Variants in PLD1 observed in about 807,000 individuals in gnomAD.
PLD1 encodes the protein phospholipase D1.
Under a neutral mutation model 137.1 loss-of-function variants are expected in PLD1, and 112 were observed. That is an observed-to-expected ratio of 0.82 (90% CI 0.70 to 0.96). The LOEUF (loss-of-function observed/expected upper bound fraction) is 0.96. PLD1 is among the 40% of genes least tolerant of loss of function. The pLI is 0.00. For synonymous variants in PLD1, 431 were observed against 454.7 expected, an observed-to-expected ratio of 0.95 and a Z score of 0.66; for missense variants, 1,321 against 1,342.0, an observed-to-expected ratio of 0.98 and a Z score of 0.24.
rs752514796 is a variant in PLD1, at chr3:171,605,458, G to A, written c.2883-42C>T. 3 of 1,046,032 alleles carry A rather than the reference G, an allele frequency of 2.9e-6. No individual in the cohort carries two copies. The East Asian group carries it at 7.1e-5, about 25-fold the overall frequency. 64.8% of individuals were successfully genotyped at this position (1,046,032 alleles called of 1,614,324 possible). A position where few individuals can be genotyped will look rare whatever the true frequency, so the allele number is the denominator to read the frequency against. Reference sequence around the variant, plus strand: ...CTCCACATTGAGTAACTGAGATAAAGCAGTTTGTTGCAGGATATATGTCTA... The same window carrying A: ...CTCCACATTGAGTAACTGAGATAAAACAGTTTGTTGCAGGATATATGTCTA... On this transcript the variant is annotated intron_variant, in intron 25 of 26. Transcript: ENST00000351298.
rs183768139 is a variant in PLD1, at chr3:171,610,856, G to A, written c.2882+1423C>T. ...GGCAATAAATACAGCAATAAAAGTTGTTAGAAGGTATTGATAGATTTTGAG... is the reference window on the plus strand; with the variant it reads ...GGCAATAAATACAGCAATAAAAGTTATTAGAAGGTATTGATAGATTTTGAG... On this transcript the variant is annotated intron_variant, in intron 25 of 26. Coordinates refer to ENST00000351298, the MANE Select transcript of PLD1 (RefSeq NM_002662.5). 6.1e-4 allele frequency among the ~76,000 whole-genome samples: 92 copies of A among 149,666 alleles called. 1 individual carries two copies. Among genetic ancestry groups the A allele is most frequent in the Non-Finnish European group, 1.6e-4 (11 of 68,004 alleles).
chr3:171,642,125 T>C (rs1007044859), intron 23 of PLD1, among the ~76,000 whole-genome samples: 6 of 152,100 alleles, frequency 3.9e-5, no homozygotes, highest in African/African-American at 1.2e-4. Context: ...AGTTACAATA[T>C]ATTGTAGCCA....
At chr3:171,664,068 CCAAT>C (rs1328050853) in intron 19 of PLD1, among the ~76,000 whole-genome samples, 7 of 151,818 alleles carry the variant, frequency 4.6e-5, no homozygotes, top group South Asian at 2.1e-4. Flanking sequence ...CAAAATATCG[CCAAT>C]CAAAGCATTA....
At chr3:171,726,781 G>C (rs1175678670) in intron 6 of PLD1, among the ~76,000 whole-genome samples, 1 of 152,212 alleles carries the variant, frequency 6.6e-6, no homozygotes, top group Non-Finnish European at 1.5e-5. Context: ...CTAACTATGA[G>C]TTGGTGTTAT....
In PLD1 at chr3:171,773,243, G is replaced by A. The variant is rs191008321; in HGVS notation, c.-31-35161C>T. Among the ~76,000 whole-genome samples the A allele has an allele frequency of 1.2e-3, 188 of 152,242 alleles. No individual in the cohort carries two copies. In the Middle Eastern group the frequency reaches 0.014, roughly 11 times the overall value. Reference sequence around the variant, plus strand: ...ACACTACATTCTTTAATAAAACCCCGCAATAATAAGAGTATAGCAGGATAT... The same window carrying A: ...ACACTACATTCTTTAATAAAACCCCACAATAATAAGAGTATAGCAGGATAT... On this transcript the variant is annotated intron_variant, in intron 1 of 26. Transcript: ENST00000351298.
Position 171,737,552 on chromosome 3 carries a change from G to A in PLD1, c.268C>T (p.Arg90Cys), listed in dbSNP as rs1426516894. Residue 90 changes from arginine to cysteine, a missense_variant, in exon 3 of 27, where the codon CGC (arginine) becomes TGC (cysteine). By Grantham distance (180) the Arg-to-Cys change is radical (BLOSUM62 -3). Transcript: ENST00000351298. The part of the protein sequence containing the change: ...PIKAQVLEVE[R>C]FTSTTRVPSI... ...CTGACCCTTGTTGTAGATGTGAAGC[G>A]TTCCACTTCCAGAACTTGTGCTTTT... 21 of 1,610,722 alleles carry A rather than the reference G, an allele frequency of 1.3e-5. No homozygotes were observed. The highest frequency in any genetic ancestry group is 1.6e-5 in the Non-Finnish European group (19 of 1,179,240).
intron 5 of PLD1, among the ~76,000 whole-genome samples, chr3:171,734,014 T>C (rs974634161): frequency 6.6e-6 from 1 of 152,200 alleles, no homozygotes; most frequent in Admixed American, 6.5e-5. Flanking sequence ...AGTAGAGGGA[T>C]ATAGGCTTGG....
At chr3:171,800,485 AGTC>A (rs771416708) in intron 1 of PLD1, among the ~76,000 whole-genome samples, 4 of 152,224 alleles carry the variant, frequency 2.6e-5, no homozygotes, top group Non-Finnish European at 5.9e-5. Context: ...CTGAGATTAC[AGTC>A]ATGAACCACC....
intron 23 of PLD1, among the ~76,000 whole-genome samples, chr3:171,626,759 A>G (rs1734150890): frequency 6.6e-6 from 1 of 151,660 alleles, no homozygotes; most frequent in Admixed American, 6.5e-5. Flanking sequence ...ACTAAGCTTC[A>G]TAAGTGAAGG....
intron 1 of PLD1, among the ~76,000 whole-genome samples, chr3:171,743,544 A>G (rs1719930237): frequency 6.6e-6 from 1 of 152,056 alleles, no homozygotes. Context: ...TGGTTATGCA[A>G]TCCTTCCTTG....
chr3:171,657,527 G>C (rs1355646400), intron 21 of PLD1, among the ~76,000 whole-genome samples: 2 of 152,160 alleles, frequency 1.3e-5, no homozygotes, highest in Admixed American at 1.3e-4. Context: ...CTGGTGCCAA[G>C]ACAATTCAAT....
intron 1 of PLD1, among the ~76,000 whole-genome samples, chr3:171,800,014 A>C (rs889923670): frequency 6.6e-6 from 1 of 152,204 alleles, no homozygotes; most frequent in Non-Finnish European, 1.5e-5. Flanking sequence ...TAGAAAAAGG[A>C]CATGGGAGAA....
chr3:171,646,020 T>C (rs1276269204), intron 21 of PLD1, among the ~76,000 whole-genome samples: 1 of 151,814 alleles, frequency 6.6e-6, no homozygotes, highest in East Asian at 1.9e-4. Context: ...TGAATTCTAC[T>C]CAATGATATA....
chr3:171,658,361 T>C (rs115403295), intron 21 of PLD1, among the ~76,000 whole-genome samples: 1,792 of 152,272 alleles, frequency 0.012, 25 homozygotes, highest in African/African-American at 0.041. Context: ...AGGATGTTTA[T>C]AGCAGCATTA....
At chr3:171,677,836 A>G in intron 16 of PLD1, 142 bp from the exon 17 acceptor site, 1 of 744,818 alleles carries the variant, frequency 1.3e-6, no homozygotes, top group Non-Finnish European at 2.1e-6. Context: ...ATTCTATTAC[A>G]GGCTGTGGGC....
chr3:171,608,727 A>G (rs1303864825), intron 25 of PLD1, among the ~76,000 whole-genome samples: 1 of 152,204 alleles, frequency 6.6e-6, no homozygotes, highest in Non-Finnish European at 1.5e-5. Context: ...AAAAAGAGTC[A>G]GGACCCCGAC....
intron 24 of PLD1, among the ~76,000 whole-genome samples, chr3:171,614,767 C>T (rs1052036169): frequency 6.6e-6 from 1 of 152,242 alleles, no homozygotes; most frequent in Admixed American, 6.5e-5. Flanking sequence ...GAACTGACAT[C>T]ACTGCTTTGT....
chr3:171,764,825 GAGAA>G (rs1226169438), intron 1 of PLD1, among the ~76,000 whole-genome samples: 1,238 of 22,596 alleles, frequency 0.055, 15 homozygotes, highest in Middle Eastern at 0.091. Context: ...AAGAAAGAAA[GAGAA>G]AGAAAGAAAG....
At chr3:171,790,421 G>T (rs1197004170) in intron 1 of PLD1, among the ~76,000 whole-genome samples, 1 of 152,202 alleles carries the variant, frequency 6.6e-6, no homozygotes, top group East Asian at 1.9e-4. Context: ...CACAGAGGAA[G>T]ACCTCTTGGC....
Sources: allele counts gnomAD v4.1 joint callset (sites outside exome capture counted in the v4.1 genomes callset), GRCh38; gene constraint gnomAD v4.1.1; transcripts MANE v1.5; gene names NCBI Gene and HGNC (gene_info 2026-07-23, HGNC 2026-07-21).